RAB21: variants seen among roughly 807,000 people sequenced by gnomAD.
RAB21 encodes ras-related protein Rab-21.
Under a neutral mutation model 33.1 loss-of-function variants are expected in RAB21, and 13 were observed. That is an observed-to-expected ratio of 0.39 (90% CI 0.26 to 0.62). The LOEUF (loss-of-function observed/expected upper bound fraction) is 0.62. Among genes scored for constraint, RAB21 ranks in the 20% least tolerant of loss-of-function variants. The probability of loss-of-function intolerance (pLI) is 0.48; values close to 1 mark genes in which losing one functional copy is unlikely to be tolerated. For missense variants in RAB21, 234 were observed against 279.1 expected, an observed-to-expected ratio of 0.84 and a Z score of 1.15; for synonymous variants, 91 against 103.7, an observed-to-expected ratio of 0.88 and a Z score of 0.74.
At chr12:71,758,158 G>A (rs955908408) in intron 1 of RAB21, among the ~76,000 whole-genome samples, 2 of 151,440 alleles carry the variant, frequency 1.3e-5, no homozygotes, top group Admixed American at 6.6e-5. Flanking sequence ...TCAGCCTCCC[G>A]AGTAGCTGGG....
rs1883205693 is a variant in RAB21 at position 71,781,839 on chromosome 12, G to A, written c.392-192G>A. On this transcript the variant is annotated intron_variant, in intron 4 of 6. Coordinates refer to ENST00000261263, the MANE Select transcript of RAB21 (RefSeq NM_014999.4). ...AGGAAAGGTATGAATTGAGTCATTT[G>A]AAGGAGGATGAGGCATGATCAACCC... 2.6e-5 allele frequency among the ~76,000 whole-genome samples: 4 copies of A among 152,280 alleles called. No individual in the cohort carries two copies. In the South Asian group the frequency reaches 8.3e-4, roughly 32 times the overall value.
At chr12:71,761,905 T>C (rs536781110) in intron 1 of RAB21, among the ~76,000 whole-genome samples, 17 of 152,312 alleles carry the variant, frequency 1.1e-4, no homozygotes, top group African/African-American at 3.8e-4. Context: ...CTTGGTTTCT[T>C]TGTTTGCATA....
At chr12:71,778,520 A>G (rs1219349968) in intron 4 of RAB21, among the ~76,000 whole-genome samples, 2 of 152,158 alleles carry the variant, frequency 1.3e-5, no homozygotes, top group Non-Finnish European at 2.9e-5. Flanking sequence ...ATTTTAACTC[A>G]GATCTGCCTG....
intron 4 of RAB21, among the ~76,000 whole-genome samples, chr12:71,777,931 G>A (rs886199570): frequency 6.6e-6 from 1 of 152,172 alleles, no homozygotes; most frequent in Admixed American, 6.5e-5. Flanking sequence ...TTTTTTAGCA[G>A]ACATGTCAAC....
chr12:71,784,068 A>T lies in RAB21; in HGVS notation c.535+1410A>T, dbSNP rs185598483. ...TTTGGAAAGTTAAAAATAAGTAGAT[A>T]TAGAATTTATAATGTTTTCTTATTT... On this transcript the variant is annotated intron_variant, in intron 6 of 6. Coordinates refer to ENST00000261263, the MANE Select transcript of RAB21 (RefSeq NM_014999.4). Among the ~76,000 whole-genome samples, 189 of 152,352 alleles carry T rather than the reference A, an allele frequency of 1.2e-3. 2 individuals carry two copies. Among genetic ancestry groups the T allele is most frequent in the African/African-American group, 4.4e-3 (183 of 41,588 alleles).
In RAB21 at chr12:71,785,759, T is replaced by TAA; in HGVS notation, c.*87_*88insAA. 3.4e-6 allele frequency: 5 copies of TAA among 1,455,174 alleles called. No individual in the cohort carries two copies. The highest frequency in any genetic ancestry group is 4.8e-6 in the Non-Finnish European group (5 of 1,050,852). 90.1% of individuals were successfully genotyped at this position (1,455,174 alleles called of 1,614,324 possible). A position where few individuals can be genotyped will look rare whatever the true frequency, so the allele number is the denominator to read the frequency against. On this transcript the variant is annotated 3_prime_UTR_variant, in exon 7 of 7. Coordinates refer to ENST00000261263, the MANE Select transcript of RAB21 (RefSeq NM_014999.4). ...AAGACTGCCATATTCCAAGTCACAT[T>TAA]ATTTTACCAATGGAATTATAGAATT...
intron 4 of RAB21, 59 bp from the exon 5 acceptor site, chr12:71,781,972 T>C: frequency 7.4e-7 from 1 of 1,350,634 alleles, no homozygotes; most frequent in Admixed American, 1.9e-5. Context: ...TAGAATTGGC[T>C]TAATTTTGTT....
chr12:71,782,165 G>C, intron 5 of RAB21, 80 bp downstream of exon 5: 1 of 1,306,274 alleles, frequency 7.7e-7, no homozygotes, highest in Non-Finnish European at 1.1e-6. Flanking sequence ...TACCATTTAG[G>C]TATTACTCAA....
chr12:71,775,948 C>G (rs1883113531), intron 4 of RAB21, among the ~76,000 whole-genome samples: 1 of 152,068 alleles, frequency 6.6e-6, no homozygotes, highest in African/African-American at 2.4e-5. Context: ...AGATGATTTC[C>G]CCTGCGTTTT....
In RAB21 at chr12:71,793,541, C is replaced by T. The variant is rs1883417496; in HGVS notation, c.*7868C>T. On this transcript the variant is annotated 3_prime_UTR_variant, in exon 7 of 7. Coordinates refer to ENST00000261263, the MANE Select transcript of RAB21 (RefSeq NM_014999.4). ...ATCCGTTTAAACACACACACACAAA[C>T]TATCCCATTAGTTGGTTATACACAA... The T allele has an allele frequency of 1.3e-5, 2 of 152,188 alleles. No individual in the cohort carries two copies. The allele number at this position is 152,188 out of a possible 1,614,324, so 9.4% of individuals were successfully genotyped here. A position where few individuals can be genotyped will look rare whatever the true frequency, so the allele number is the denominator to read the frequency against.
rs1004983211 is a variant in RAB21 at position 71,792,000 on chromosome 12, T to A, written c.*6327T>A. 4.6e-5 allele frequency: 7 copies of A among 152,230 alleles called. No individual in the cohort carries two copies. The highest frequency in any genetic ancestry group is 1.0e-4 in the Non-Finnish European group (7 of 68,010). The allele number at this position is 152,230 out of a possible 1,614,324, so 9.4% of individuals were successfully genotyped here. ...CCACCTCAGACTTCGAAGTAGCTGG[T>A]ATTACAGGTGCATAACACCACCACC... On this transcript the variant is annotated 3_prime_UTR_variant, in exon 7 of 7. Transcript: ENST00000261263.
At position 71,785,756 on chromosome 12, in the gene RAB21, CATT is replaced by C; in HGVS notation, c.*87_*89del. ...ATGAAGACTGCCATATTCCAAGTCA[CATT>C]ATTTTACCAATGGAATTATAGAATT... is the stretch of plus-strand genomic sequence containing the variant. On this transcript the variant is annotated 3_prime_UTR_variant, in exon 7 of 7. Transcript: ENST00000261263. The C allele has an allele frequency of 6.8e-7, 1 of 1,469,226 alleles. No individual in the cohort carries two copies. Among genetic ancestry groups the C allele is most frequent in the Non-Finnish European group, 9.4e-7 (1 of 1,061,678 alleles). 91.0% of individuals were successfully genotyped at this position (1,469,226 alleles called of 1,614,324 possible). A position where few individuals can be genotyped will look rare whatever the true frequency, so the allele number is the denominator to read the frequency against.
intron 1 of RAB21, among the ~76,000 whole-genome samples, chr12:71,765,686 T>C (rs10784937): frequency 0.97 from 146,933 of 152,174 alleles, 71,142 homozygotes; most frequent in Middle Eastern, 1. Context: ...CCAGTTTTCC[T>C]AGCACCTTTT....
chr12:71,766,482 T>G (rs1413377965), intron 1 of RAB21, among the ~76,000 whole-genome samples: 2 of 152,146 alleles, frequency 1.3e-5, no homozygotes, highest in Admixed American at 6.5e-5. Context: ...TATTGGCACC[T>G]GAGAATTAAG....
At chr12:71,778,109 T>TA (rs756384295) in intron 4 of RAB21, among the ~76,000 whole-genome samples, 1 of 152,220 alleles carries the variant, frequency 6.6e-6, no homozygotes, top group Non-Finnish European at 1.5e-5. Context: ...TACAGTCTAC[T>TA]AGCATTTTCA....
chr12:71,763,584 A>G (rs1882912092), intron 1 of RAB21, among the ~76,000 whole-genome samples: 1 of 152,204 alleles, frequency 6.6e-6, no homozygotes, highest in South Asian at 2.1e-4. Flanking sequence ...TACAAGTTAC[A>G]GATGACAACA....
chr12:71,762,804 A>G (rs1416546689), intron 1 of RAB21, among the ~76,000 whole-genome samples: 2 of 151,744 alleles, frequency 1.3e-5, no homozygotes, highest in East Asian at 1.9e-4. Context: ...CTGGTCCCGA[A>G]CTCCTGACCT....
intron 6 of RAB21, among the ~76,000 whole-genome samples, chr12:71,783,051 T>C (rs1419686705): frequency 6.6e-6 from 1 of 152,086 alleles, no homozygotes; most frequent in Admixed American, 6.5e-5. Flanking sequence ...AAACAAGATA[T>C]TTGATGATAT....
At chr12:71,765,368 C>T (rs887276268) in intron 1 of RAB21, among the ~76,000 whole-genome samples, 1 of 151,948 alleles carries the variant, frequency 6.6e-6, no homozygotes, top group Admixed American at 6.6e-5. Context: ...TTGTTGGATG[C>T]TTAGTTTACG....
Sources: allele counts gnomAD v4.1 joint callset (sites outside exome capture counted in the v4.1 genomes callset), GRCh38; gene constraint gnomAD v4.1.1; transcripts MANE v1.5; gene names NCBI Gene and HGNC (gene_info 2026-07-23, HGNC 2026-07-21).